ZNF99: variants seen among roughly 807,000 people sequenced by gnomAD.
ZNF99 encodes zinc finger protein ENSP00000375192.
ZNF99 carries 8 observed loss-of-function variants against 12.8 expected under a neutral mutation model. That is an observed-to-expected ratio of 0.62 (90% CI 0.37 to 1.13). The LOEUF is 1.13. Among genes scored for constraint, ZNF99 ranks in the 50% most tolerant of loss-of-function variants. The pLI, the probability that ZNF99 is intolerant of heterozygous loss-of-function variation, is 0.02. For missense variants in ZNF99, 1,007 were observed against 1,006.2 expected (o/e 1.00, Z -0.01); for synonymous variants, 318 against 319.0 (o/e 1.00, Z 0.03).
Position 22,754,300 on chromosome 19 carries a change from GA to G in ZNF99, c.*3013del. Reference sequence around the variant, plus strand: ...GAGAATCGCTTGAACCCAGGAGGCGGAGGTTGCAATGAACTGAGATTGCACC... The same window carrying G: ...GAGAATCGCTTGAACCCAGGAGGCGGGGTTGCAATGAACTGAGATTGCACC... On this transcript the variant is annotated 3_prime_UTR_variant, in exon 4 of 4. Coordinates refer to ENST00000596209, the MANE Select transcript of ZNF99 (RefSeq NM_001080409.3). The G allele has an allele frequency of 4.6e-6, 2 of 430,186 alleles. No individual in the cohort carries two copies. The highest frequency in any genetic ancestry group is 9.3e-6 in the Non-Finnish European group (2 of 214,028). 26.6% of individuals were successfully genotyped at this position (430,186 alleles called of 1,614,324 possible).
At chr19:22,769,134 T>C in intron 2 of ZNF99, 64 bp downstream of exon 2, 8 of 1,522,770 alleles carry the variant, frequency 5.3e-6, no homozygotes, top group Non-Finnish European at 7.1e-6. Context: ...AAACACATCC[T>C]ACAGAAAAGA....
At position 22,759,834 on chromosome 19, in the gene ZNF99, AATAAAAAC is replaced by A. The variant is rs578170196; in HGVS notation, c.227-160_227-153del. ...AATTTCTTCATAGACATATAAATGTAATAAAAACATACTGACCAAAATATATTTGTTGA... is the reference window on the plus strand; with the variant it reads ...AATTTCTTCATAGACATATAAATGTAATACTGACCAAAATATATTTGTTGA... On this transcript the variant is annotated intron_variant, in intron 3 of 3. Transcript: ENST00000596209. Among the ~76,000 whole-genome samples the A allele has an allele frequency of 9.2e-5, 14 of 152,362 alleles. No homozygotes were observed. The East Asian group carries it at 2.1e-3, about 23-fold the overall frequency.
At chr19:22,781,774 T>C (rs1214390428) in intron 1 of ZNF99, among the ~76,000 whole-genome samples, 1 of 152,070 alleles carries the variant, frequency 6.6e-6, no homozygotes, top group Non-Finnish European at 1.5e-5. Flanking sequence ...GAGCTGATAT[T>C]CACTAGACAC....
rs185890540 is a variant in ZNF99, at chr19:22,758,864, C to T, written c.1045G>A (p.Ala349Thr). 1.2e-4 allele frequency: 187 copies of T among 1,613,714 alleles called. 1 individual carries two copies. The East Asian group carries it at 3.5e-3, about 30-fold the overall frequency. ...CTAAGGGTTGAGGACTGGCTAAAAG[C>T]TTTGCCACATTCTTCACATTTGTAG... ...KPYKCEECGKAFSQSSTLRKH... is the reference protein window; with the variant it reads ...KPYKCEECGKTFSQSSTLRKH... The change falls in exon 4 of 4, where the codon GCT (alanine) becomes ACT (threonine). Residue 349 changes from alanine (A) to threonine (T), a missense_variant. Physicochemically the swap from Ala to Thr is moderately conservative, Grantham distance 58. Coordinates refer to ENST00000596209, the MANE Select transcript of ZNF99 (RefSeq NM_001080409.3).
chr19:22,765,303 A>G (rs987476413), intron 3 of ZNF99, among the ~76,000 whole-genome samples: 3 of 152,134 alleles, frequency 2.0e-5, no homozygotes, highest in African/African-American at 7.2e-5. Flanking sequence ...AAGGCATAAG[A>G]ATGACACAGT....
rs1485259825 is a variant in ZNF99 at position 22,754,265 on chromosome 19, G to C, written c.*3049C>G. The C allele has an allele frequency of 2.3e-6, 1 of 438,444 alleles. No individual in the cohort carries two copies. Among genetic ancestry groups the C allele is most frequent in the Admixed American group, 2.5e-5 (1 of 40,084 alleles). 27.2% of individuals were successfully genotyped at this position (438,444 alleles called of 1,614,324 possible). ...GCCTGCAATCCCAGCTGCTTGGGAG[G>C]TTGAGGCCAGAGAATCGCTTGAACC... On this transcript the variant is annotated 3_prime_UTR_variant, in exon 4 of 4. Transcript: ENST00000596209.
intron 1 of ZNF99, among the ~76,000 whole-genome samples, chr19:22,776,581 G>A (rs1973331313): frequency 6.6e-6 from 1 of 151,348 alleles, no homozygotes; most frequent in Non-Finnish European, 1.5e-5. Context: ...AAAAATAACA[G>A]ATGCTGGCAG....
At chr19:22,761,150 T>C (rs1483320797) in intron 3 of ZNF99, among the ~76,000 whole-genome samples, 1 of 151,968 alleles carries the variant, frequency 6.6e-6, no homozygotes, top group Admixed American at 6.6e-5. Flanking sequence ...AATAAATTAA[T>C]TTTTAAAATT....
Position 22,759,437 on chromosome 19 carries a change from A to T in ZNF99, c.472T>A (p.Ser158Thr). Residue 158 changes from serine (S) to threonine (T), a missense_variant, in exon 4 of 4, where the codon TCA (serine) becomes ACA (threonine). Coordinates refer to ENST00000596209, the MANE Select transcript of ZNF99 (RefSeq NM_001080409.3). Reference sequence around the variant, plus strand: ...CTAATCTTATATCTATTTGAATTTGAATATTTATGAAAGACTTTCACATAT... The same window carrying T: ...CTAATCTTATATCTATTTGAATTTGTATATTTATGAAAGACTTTCACATAT... The part of the protein sequence containing the change: ...NKYVKVFHKY[S>T]NSNRYKIRHT... 1 of 1,592,838 alleles carries T rather than the reference A, an allele frequency of 6.3e-7. No homozygotes were observed. Among genetic ancestry groups the T allele is most frequent in the South Asian group, 1.1e-5 (1 of 87,590 alleles).
Position 22,756,838 on chromosome 19 carries a change from A to G in ZNF99, c.*476T>C, listed in dbSNP as rs1973067599. Reference sequence around the variant, plus strand: ...ATCTCATGTTTTCTAAGGGCTGAGAAATGCTTAAAAGCTTTGCCACATTCT... The same window carrying G: ...ATCTCATGTTTTCTAAGGGCTGAGAGATGCTTAAAAGCTTTGCCACATTCT... On this transcript the variant is annotated 3_prime_UTR_variant, in exon 4 of 4. Transcript: ENST00000596209. The G allele has an allele frequency of 6.2e-7, 1 of 1,611,582 alleles. No individual in the cohort carries two copies.
At chr19:22,780,533 A>G (rs1302162973) in intron 1 of ZNF99, among the ~76,000 whole-genome samples, 1 of 152,110 alleles carries the variant, frequency 6.6e-6, no homozygotes, top group African/African-American at 2.4e-5. Flanking sequence ...GTCTCTACTA[A>G]AAATACAAAA....
intron 2 of ZNF99, among the ~76,000 whole-genome samples, chr19:22,768,944 G>T (rs1445667901): frequency 6.6e-6 from 1 of 151,536 alleles, no homozygotes; most frequent in Non-Finnish European, 1.5e-5. Context: ...CAGAAGAATT[G>T]CTTGAACCTG....
At position 22,756,236 on chromosome 19, in the gene ZNF99, T is replaced by TA; in HGVS notation, c.*1077_*1078insT. ...CTTCTCCCCAGTATGAATTATCTTATGTTTAGTAAGGGCTGAAAGATGGTT... is the reference window on the plus strand; with the variant it reads ...CTTCTCCCCAGTATGAATTATCTTATAGTTTAGTAAGGGCTGAAAGATGGTT... On this transcript the variant is annotated 3_prime_UTR_variant, in exon 4 of 4. Coordinates refer to ENST00000596209, the MANE Select transcript of ZNF99 (RefSeq NM_001080409.3). 1 of 1,569,388 alleles carries TA rather than the reference T, an allele frequency of 6.4e-7. No homozygotes were observed. The highest frequency in any genetic ancestry group is 8.6e-7 in the Non-Finnish European group (1 of 1,157,860).
At chr19:22,772,085 G>A (rs573804539) in intron 1 of ZNF99, among the ~76,000 whole-genome samples, 4 of 151,868 alleles carry the variant, frequency 2.6e-5, no homozygotes, top group East Asian at 3.9e-4. Context: ...TAAGTTGACC[G>A]TTTATTTGGG....
In ZNF99 at chr19:22,758,450, C is replaced by T. The variant is rs1364801698; in HGVS notation, c.1459G>A (p.Gly487Ser). The change falls in exon 4 of 4, where the codon GGT becomes AGT. Residue 487 changes from glycine to serine, a missense_variant. By Grantham distance (56) the Gly-to-Ser change is moderately conservative (BLOSUM62 0). Transcript: ENST00000596209. ...GEKPYKCEEC[G>S]KAFKWSSKLT... The stretch of plus-strand genomic sequence containing the variant: ...TTTGAGGACCACTTAAAAGCTTTAC[C>T]ACATTCTTCACATTTGTAGGGTTTC... The T allele has an allele frequency of 1.2e-6, 2 of 1,612,986 alleles. No individual in the cohort carries two copies. Among genetic ancestry groups the T allele is most frequent in the Non-Finnish European group, 1.7e-6 (2 of 1,179,676 alleles).
In ZNF99 at chr19:22,755,383, T is replaced by C; in HGVS notation, c.*1931A>G. ...GTTTTCATATTTGTAGGGTTTCTCTTCAGTATGAATTATCTTATGTTCAGT... is the reference window on the plus strand; with the variant it reads ...GTTTTCATATTTGTAGGGTTTCTCTCCAGTATGAATTATCTTATGTTCAGT... On this transcript the variant is annotated 3_prime_UTR_variant, in exon 4 of 4. Coordinates refer to ENST00000596209, the MANE Select transcript of ZNF99 (RefSeq NM_001080409.3). 1 of 288,312 alleles carries C rather than the reference T, an allele frequency of 3.5e-6. No homozygotes were observed. Among genetic ancestry groups the C allele is most frequent in the Non-Finnish European group, 7.2e-6 (1 of 139,718 alleles). The allele number at this position is 288,312 out of a possible 1,614,324, so 17.9% of individuals were successfully genotyped here. A position where few individuals can be genotyped will look rare whatever the true frequency, so the allele number is the denominator to read the frequency against.
rs976502542 is a variant in ZNF99 at position 22,784,080 on chromosome 19, G to A, written c.-64C>T. 5.0e-6 allele frequency: 8 copies of A among 1,588,576 alleles called. No homozygotes were observed. The African/African-American group carries it at 9.4e-5, about 19-fold the overall frequency. ...ATCTCCAAATACCTACAGGTCACAG[G>A]GCCACAGAGGCTAAGGACACAGAGC... On this transcript the variant is annotated 5_prime_UTR_variant, in exon 1 of 4. Transcript: ENST00000596209.
chr19:22,767,534 T>C (rs1973217895), intron 3 of ZNF99, among the ~76,000 whole-genome samples: 1 of 152,106 alleles, frequency 6.6e-6, no homozygotes, highest in African/African-American at 2.4e-5. Context: ...TATTATATAA[T>C]AGTAAAATGG....
Position 22,754,348 on chromosome 19 carries a change from C to T in ZNF99, c.*2966G>A. The stretch of plus-strand genomic sequence containing the variant: ...CACCATTGCACTCCAATTTGGGCGA[C>T]AGAGTGAGACTCCATTTCAAAAAAA... On this transcript the variant is annotated 3_prime_UTR_variant, in exon 4 of 4. Coordinates refer to ENST00000596209, the MANE Select transcript of ZNF99 (RefSeq NM_001080409.3). 2.4e-6 allele frequency: 1 copy of T among 409,476 alleles called. No individual in the cohort carries two copies. The highest frequency in any genetic ancestry group is 2.9e-5 in the Admixed American group (1 of 34,318). 25.4% of individuals were successfully genotyped at this position (409,476 alleles called of 1,614,324 possible).
Sources: gnomAD v4.1 joint callset for allele counts (sites outside exome capture counted in the v4.1 genomes callset) on GRCh38, gnomAD v4.1.1 for gene constraint, MANE v1.5 for transcripts, NCBI Gene and HGNC (gene_info 2026-07-23, HGNC 2026-07-21) for gene names.